Variants in SEPTIN9 observed in about 807,000 individuals in gnomAD.
SEPTIN9 encodes septin 9, also known as septin-9.
Under a neutral mutation model 56.6 loss-of-function variants are expected in SEPTIN9, and 13 were observed. That is an observed-to-expected ratio of 0.23 (90% CI 0.15 to 0.37). The LOEUF (loss-of-function observed/expected upper bound fraction) is 0.37, where lower values mean the gene tolerates loss of function less well. SEPTIN9 is among the 10% of genes least tolerant of loss of function. SEPTIN9 has a pLI of 1.00. For missense variants in SEPTIN9, 650 were observed against 823.1 expected (o/e 0.79, Z 2.57); for synonymous variants, 332 against 334.1 (o/e 0.99, Z 0.07).
At chr17:77,401,218 G>A (rs1001106137) in intron 2 of SEPTIN9, among the ~76,000 whole-genome samples, 1 of 152,222 alleles carries the variant, frequency 6.6e-6, no homozygotes, top group Non-Finnish European at 1.5e-5. Flanking sequence ...AGCGGCTGCA[G>A]ATGTGATGAG....
At chr17:77,359,475 G>C (rs1363313425) in intron 2 of SEPTIN9, among the ~76,000 whole-genome samples, 1 of 152,206 alleles carries the variant, frequency 6.6e-6, no homozygotes, top group Non-Finnish European at 1.5e-5. Context: ...TTTCATCCTG[G>C]AGCTGGAACA....
chr17:77,349,820 A>G lies in SEPTIN9; in HGVS notation c.76+42623A>G, dbSNP rs113561423. On this transcript the variant is annotated intron_variant, in intron 2 of 11. Coordinates refer to ENST00000427177, the MANE Select transcript of SEPTIN9 (RefSeq NM_001113491.2). ...TTTTCTGCAGAATTGACCAGATAGC[A>G]GCTACTCTCTGTGACCAGGAGCCTT... Among the ~76,000 whole-genome samples the G allele has an allele frequency of 5.4e-3, 817 of 152,336 alleles. 2 individuals carry two copies. The highest frequency in any genetic ancestry group is 0.021 in the Middle Eastern group (6 of 292).
Position 77,312,355 on chromosome 17 carries a change from C to T in SEPTIN9, c.76+5158C>T, listed in dbSNP as rs577638996. 6.6e-5 allele frequency among the ~76,000 whole-genome samples: 10 copies of T among 152,288 alleles called. No homozygotes were observed. In the South Asian group the frequency reaches 8.3e-4, roughly 13 times the overall value. ...AGCCTCGAGGGTGGATTCGTGCTGCCGCCCAGCCTGGCCCTGATACCGCTT... is the reference window on the plus strand; with the variant it reads ...AGCCTCGAGGGTGGATTCGTGCTGCTGCCCAGCCTGGCCCTGATACCGCTT... On this transcript the variant is annotated intron_variant, in intron 2 of 11. Coordinates refer to ENST00000427177, the MANE Select transcript of SEPTIN9 (RefSeq NM_001113491.2).
In SEPTIN9 at chr17:77,329,596, C is replaced by T. The variant is rs1389396575; in HGVS notation, c.76+22399C>T. 3.3e-5 allele frequency among the ~76,000 whole-genome samples: 5 copies of T among 152,114 alleles called. No homozygotes were observed. The highest frequency in any genetic ancestry group is 5.9e-5 in the Non-Finnish European group (4 of 68,018). On this transcript the variant is annotated intron_variant, in intron 2 of 11. Coordinates refer to ENST00000427177, the MANE Select transcript of SEPTIN9 (RefSeq NM_001113491.2). This position sits in a 1 kb window ranked among gnomAD's most constrained non-coding sequence, Gnocchi z 4.3. The stretch of plus-strand genomic sequence containing the variant: ...GAAGCACGCTCATCCCTCGTTCCTT[C>T]CTGTTTCGTGGGATGCTGAGTCTCT...
chr17:77,341,507 G>A (rs1481116907), intron 2 of SEPTIN9, among the ~76,000 whole-genome samples: 1 of 152,220 alleles, frequency 6.6e-6, no homozygotes. Flanking sequence ...GGGCGCGGTG[G>A]CCCATGCCTG....
Position 77,487,287 on chromosome 17 carries a change from G to A in SEPTIN9, c.914-137G>A. On this transcript the variant is annotated intron_variant, in intron 4 of 11. Transcript: ENST00000427177. The surrounding 1 kb of genome is among the most constrained non-coding windows in gnomAD (Gnocchi z 4.3). Reference sequence around the variant, plus strand: ...AAGTCCTCGGGGGCTGCTTGGCAGGGATATTGCCGGGAGGTAGCCCAGGCA... The same window carrying A: ...AAGTCCTCGGGGGCTGCTTGGCAGGAATATTGCCGGGAGGTAGCCCAGGCA... 1 of 924,130 alleles carries A rather than the reference G, an allele frequency of 1.1e-6. No homozygotes were observed. The highest frequency in any genetic ancestry group is 1.5e-5 in the South Asian group (1 of 66,774). 57.2% of individuals were successfully genotyped at this position (924,130 alleles called of 1,614,324 possible).
Position 77,436,332 on chromosome 17 carries a change from G to A in SEPTIN9, c.721+33629G>A, listed in dbSNP as rs1048437887. Among the ~76,000 whole-genome samples the A allele has an allele frequency of 2.6e-5, 4 of 152,204 alleles. No individual in the cohort carries two copies. The highest frequency in any genetic ancestry group is 7.2e-5 in the African/African-American group (3 of 41,460). ...GCCACCCTGCATGTTTCATTCCACC[G>A]ACTTCTGCAGCCCAGCTGTTCAGAG... On this transcript the variant is annotated intron_variant, in intron 3 of 11. Transcript: ENST00000427177. This position sits in a 1 kb window ranked among gnomAD's most constrained non-coding sequence, Gnocchi z 4.4.
intron 8 of SEPTIN9, among the ~76,000 whole-genome samples, chr17:77,491,716 G>T (rs906921097): frequency 6.9e-6 from 1 of 145,932 alleles, no homozygotes; most frequent in African/African-American, 2.6e-5. Context: ...TGAGGCAGGA[G>T]AATCTCTTGA....
intron 3 of SEPTIN9, among the ~76,000 whole-genome samples, chr17:77,468,457 A>G (rs1467229511): frequency 2.0e-5 from 3 of 152,168 alleles, no homozygotes; most frequent in African/African-American, 7.2e-5. Context: ...TGGAAGCTGA[A>G]GAGTAGGTTA....
intron 3 of SEPTIN9, among the ~76,000 whole-genome samples, chr17:77,455,689 C>G (rs1477816878): frequency 1.3e-5 from 2 of 152,234 alleles, no homozygotes; most frequent in African/African-American, 4.8e-5. Flanking sequence ...CTCTCTCTGT[C>G]ACTAGAACGG....
Position 77,402,568 on chromosome 17 carries a change from G to T in SEPTIN9, c.586G>T (p.Ala196Ser). ...GGTGGAGATCCAGATGCCCAAGCCT[G>T]CTGAGGCGCCCACCGCCCCCAGCCC... Reference protein sequence around the residue: ...KRVEIQMPKPAEAPTAPSPAQ... With the variant: ...KRVEIQMPKPSEAPTAPSPAQ... The change falls in exon 3 of 12, where the codon GCT becomes TCT. Residue 196 changes from alanine to serine, a missense_variant. Ala to Ser is a moderately conservative substitution (Grantham distance 99). Around this residue, in one of 2 missense-constraint regions of SEPTIN9, gnomAD observed 317 missense variants for 329.1 expected, o/e 0.96. Coordinates refer to ENST00000427177, the MANE Select transcript of SEPTIN9 (RefSeq NM_001113491.2). This position sits in a 1 kb window ranked among gnomAD's most constrained non-coding sequence, Gnocchi z 6.6. 6.2e-7 allele frequency: 1 copy of T among 1,611,086 alleles called. No individual in the cohort carries two copies. Among genetic ancestry groups the T allele is most frequent in the Non-Finnish European group, 8.5e-7 (1 of 1,178,998 alleles).
At chr17:77,381,073 G>A (rs2035126910) in intron 2 of SEPTIN9, among the ~76,000 whole-genome samples, 1 of 152,216 alleles carries the variant, frequency 6.6e-6, no homozygotes, top group Non-Finnish European at 1.5e-5. Flanking sequence ...GTCTCTACCT[G>A]TGGCCTTTGC....
rs1271376039 is a variant in SEPTIN9, at chr17:77,487,419, C to T, written c.914-5C>T. ...CCCCTGACCGGCCTCCCATCCTCTCCCCAGGGCAGAGCGGCTTGGGTAAAT... is the reference window on the plus strand; with the variant it reads ...CCCCTGACCGGCCTCCCATCCTCTCTCCAGGGCAGAGCGGCTTGGGTAAAT... On this transcript the variant is annotated splice_polypyrimidine_tract_variant and splice_region_variant and intron_variant, in intron 4 of 11. Transcript: ENST00000427177. This position sits in a 1 kb window ranked among gnomAD's most constrained non-coding sequence, Gnocchi z 4.3. 1 of 1,597,784 alleles carries T rather than the reference C, an allele frequency of 6.3e-7. No homozygotes were observed. The highest frequency in any genetic ancestry group is 1.1e-5 in the South Asian group (1 of 88,306).
intron 7 of SEPTIN9, among the ~76,000 whole-genome samples, chr17:77,489,467 C>A (rs2039935458): frequency 6.6e-6 from 1 of 152,196 alleles, no homozygotes; most frequent in South Asian, 2.1e-4. Flanking sequence ...CTGTCCTCAG[C>A]TCCCTGTGCA....
intron 2 of SEPTIN9, among the ~76,000 whole-genome samples, chr17:77,395,976 A>G (rs1178906097): frequency 6.6e-6 from 1 of 152,242 alleles, no homozygotes; most frequent in Admixed American, 6.5e-5. Flanking sequence ...GGGCCAAAGC[A>G]CATGAACGGT....
At chr17:77,460,362 C>CTCCTCACAGCTCACT (rs2038413427) in intron 3 of SEPTIN9, among the ~76,000 whole-genome samples, 1 of 152,142 alleles carries the variant, frequency 6.6e-6, no homozygotes, top group East Asian at 1.9e-4. Flanking sequence ...CACAGCTCAC[C>CTCCTCACAGCTCACT]GTGGTGCTCC....
At chr17:77,305,271 G>A (rs746650846) in intron 1 of SEPTIN9, among the ~76,000 whole-genome samples, 2 of 152,168 alleles carry the variant, frequency 1.3e-5, no homozygotes, top group Admixed American at 6.5e-5. Context: ...GAATTCCGCA[G>A]CTGTGCGACC....
At chr17:77,300,793 C>T (rs1334412840) in intron 1 of SEPTIN9, among the ~76,000 whole-genome samples, 2 of 94,888 alleles carry the variant, frequency 2.1e-5, no homozygotes, top group Non-Finnish European at 4.0e-5. Context: ...CAGCTCAAAG[C>T]GCCCCCATCC....
intron 6 of SEPTIN9, 116 bp downstream of exon 6, chr17:77,488,437 G>A (rs2039888265): frequency 2.1e-6 from 2 of 969,662 alleles, no homozygotes; most frequent in South Asian, 1.3e-5. Context: ...CACCTCCTGG[G>A]ACCTGACATG....
Sources: gnomAD v4.1 joint callset for allele counts (sites outside exome capture counted in the v4.1 genomes callset) on GRCh38, gnomAD v4.1.1 for gene constraint, gnomAD v4.1.1 regional missense constraint, Gnocchi (gnomAD v3.1) non-coding constraint, MANE v1.5 for transcripts, NCBI Gene and HGNC (gene_info 2026-07-23, HGNC 2026-07-21) for gene names.